The following DYSF variants were observed in gnomAD, a reference collection of about 807,000 sequenced individuals.
DYSF encodes dysferlin.
Under a neutral mutation model 274.9 loss-of-function variants are expected in DYSF, and 212 were observed. The observed-to-expected ratio is 0.77, with a 90% CI of 0.69 to 0.86. The LOEUF is 0.86. Ranked by LOEUF, DYSF falls within the 40% of genes least tolerant of loss-of-function variation. DYSF has a pLI of 0.00. For missense variants in DYSF, 2,666 were observed against 2,783.2 expected (o/e 0.96, Z 0.95); for synonymous variants, 1,091 against 1,078.7 (o/e 1.01, Z -0.22).
At chr2:71,523,543 C>CTTTTTTTTTTTTTTTTTTTTTTTTTT (rs10718722) in intron 12 of DYSF, among the ~76,000 whole-genome samples, 1 of 96,362 alleles carries the variant, frequency 1.0e-5, no homozygotes, top group Non-Finnish European at 2.1e-5. Flanking sequence ...CACCAGTCAT[C>CTTTTTTTTTTTTTTTTTTTTTTTTTT]TTTTTTTTTT....
intron 1 of DYSF, among the ~76,000 whole-genome samples, chr2:71,471,863 G>A (rs1464814271): frequency 6.6e-6 from 1 of 152,022 alleles, no homozygotes; most frequent in East Asian, 1.9e-4. Context: ...CTACTTGAGG[G>A]GCAGAGGCAC....
chr2:71,546,839 T>C (rs2090515202), intron 17 of DYSF, among the ~76,000 whole-genome samples: 1 of 152,266 alleles, frequency 6.6e-6, no homozygotes, highest in African/African-American at 2.4e-5. Flanking sequence ...CTTGGGGATG[T>C]GCCGAGAGGC....
chr2:71,611,057 A>T, intron 36 of DYSF, 188 bp from the exon 37 acceptor site: 1 of 641,090 alleles, frequency 1.6e-6, no homozygotes, highest in South Asian at 1.7e-5. Flanking sequence ...ATCCTGGAGA[A>T]GATGATGCCT....
chr2:71,618,723 G>A (rs1419305278), intron 40 of DYSF, among the ~76,000 whole-genome samples: 1 of 151,238 alleles, frequency 6.6e-6, no homozygotes, highest in East Asian at 1.9e-4. Context: ...GTGTGGCAGA[G>A]GTGGGTGTGT....
chr2:71,483,428 A>T (rs577365001), intron 3 of DYSF, among the ~76,000 whole-genome samples: 74 of 152,272 alleles, frequency 4.9e-4, no homozygotes, highest in Admixed American at 9.8e-4. Flanking sequence ...GGTCACTCAG[A>T]CTGACTTGAA....
rs1485092046 is a variant in DYSF at position 71,668,937 on chromosome 2, G to C, written c.5546+95G>C. 3.0e-5 allele frequency: 42 copies of C among 1,413,162 alleles called. No homozygotes were observed. In the South Asian group the frequency reaches 4.9e-4, roughly 16 times the overall value. The allele number at this position is 1,413,162 out of a possible 1,614,324, so 87.5% of individuals were successfully genotyped here. On this transcript the variant is annotated intron_variant, in intron 49 of 55. Coordinates refer to ENST00000410020, the MANE Select transcript of DYSF (RefSeq NM_001130987.2). ...ACTAGGCGGTTGCTCTTTTCTGCCG[G>C]GCTTCAGGCTATTTGGGCCATGGAA...
At position 71,513,258 on chromosome 2, in the gene DYSF, C is replaced by A; in HGVS notation, c.479C>A (p.Ala160Asp). The A allele has an allele frequency of 6.4e-7, 1 of 1,551,580 alleles. No homozygotes were observed. Among genetic ancestry groups the A allele is most frequent in the East Asian group, 2.4e-5 (1 of 40,910 alleles). ...AAGACAGGCGGGGGACAGAGCCGGG[C>A]CGAGACTTGGTCCCTGCTCAGTGAC... Reference protein sequence around the residue: ...DVVAGGGQSRAETWSLLSDST... With the variant: ...DVVAGGGQSRDETWSLLSDST... Residue 160 changes from alanine to aspartate, a missense_variant, in exon 6 of 56, where the codon GCC (alanine) becomes GAC (aspartate). Physicochemically the swap from Ala to Asp is moderately radical, Grantham distance 126 (BLOSUM62 -2). Transcript: ENST00000410020.
rs767965483 is a variant in DYSF at position 71,535,101 on chromosome 2, GC to G, written c.1449+17del. 6.2e-7 allele frequency: 1 copy of G among 1,614,032 alleles called. No homozygotes were observed. The highest frequency in any genetic ancestry group is 8.5e-7 in the Non-Finnish European group (1 of 1,179,942). ...CACTGCCTGCCATGGTGAGCCTCCT[GC>G]CCCCAGCAAACCCAAGGAGGCCCCT... On this transcript the variant is annotated intron_variant, in intron 15 of 55. Transcript: ENST00000410020.
chr2:71,532,623 G>A (rs1200391603), intron 14 of DYSF, among the ~76,000 whole-genome samples: 1 of 152,158 alleles, frequency 6.6e-6, no homozygotes, highest in Non-Finnish European at 1.5e-5. Context: ...TAGCCAGGTT[G>A]AAGTGTTTGC....
chr2:71,464,817 G>A (rs1434534997), upstream of DYSF, among the ~76,000 whole-genome samples: 1 of 152,208 alleles, frequency 6.6e-6, no homozygotes, highest in East Asian at 1.9e-4. Flanking sequence ...GACGCATTGG[G>A]AGTCCATGGA....
intron 1 of DYSF, among the ~76,000 whole-genome samples, chr2:71,457,685 C>T (rs187138178): frequency 1.3e-5 from 2 of 152,210 alleles, no homozygotes; most frequent in African/African-American, 4.8e-5. Context: ...GCCTCACCCT[C>T]TCTATATCTG....
chr2:71,625,381 T>A (rs989193026), intron 41 of DYSF, among the ~76,000 whole-genome samples: 1 of 152,186 alleles, frequency 6.6e-6, no homozygotes, highest in Admixed American at 6.5e-5. Flanking sequence ...GGTAGAGTTT[T>A]TTTCTCATGT....
chr2:71,529,904 T>A (rs2088462974), intron 14 of DYSF, among the ~76,000 whole-genome samples: 1 of 152,268 alleles, frequency 6.6e-6, no homozygotes, highest in South Asian at 2.1e-4. Flanking sequence ...TACTTTTTAT[T>A]TCTAATGTTA....
chr2:71,580,053 G>A (rs1158508437), intron 30 of DYSF, among the ~76,000 whole-genome samples: 5 of 152,210 alleles, frequency 3.3e-5, no homozygotes, highest in Admixed American at 1.3e-4. Context: ...CCCATCTGGC[G>A]CTTTCATTCC....
At chr2:71,462,462 G>T (rs182596263), upstream of DYSF, among the ~76,000 whole-genome samples, 4 of 151,628 alleles carry the variant, frequency 2.6e-5, no homozygotes, top group Non-Finnish European at 5.9e-5. Context: ...GCTTTATCTC[G>T]TTCTCGTTGC....
At chr2:71,519,393 T>TA (rs966953810) in intron 10 of DYSF, among the ~76,000 whole-genome samples, 20 of 151,910 alleles carry the variant, frequency 1.3e-4, no homozygotes, top group African/African-American at 4.4e-4. Context: ...ATCTATGATT[T>TA]AAAAAAAAGA....
chr2:71,621,066 G>C (rs11897566), intron 41 of DYSF, among the ~76,000 whole-genome samples: 1 of 151,904 alleles, frequency 6.6e-6, no homozygotes, highest in Non-Finnish European at 1.5e-5. Context: ...GAGGTCTGCT[G>C]GGGCCAACAG....
At chr2:71,502,418 G>A (rs1002742095) in intron 3 of DYSF, among the ~76,000 whole-genome samples, 6 of 152,074 alleles carry the variant, frequency 3.9e-5, no homozygotes, top group Middle Eastern at 3.4e-3. Flanking sequence ...GCAAGCAGAA[G>A]TCACACACAG....
At chr2:71,592,130 G>A (rs1466982177) in intron 32 of DYSF, among the ~76,000 whole-genome samples, 1 of 152,170 alleles carries the variant, frequency 6.6e-6, no homozygotes, top group Non-Finnish European at 1.5e-5. Flanking sequence ...GAGCGGGTTT[G>A]TGAGAGGGGG....
Sources: gnomAD v4.1 joint callset for allele counts (sites outside exome capture counted in the v4.1 genomes callset) on GRCh38, gnomAD v4.1.1 for gene constraint, MANE v1.5 for transcripts, NCBI Gene and HGNC (gene_info 2026-07-23, HGNC 2026-07-21) for gene names.